The following SNX25 variants were observed in gnomAD, a reference collection of about 807,000 sequenced individuals.
SNX25 encodes the protein sorting nexin 25.
SNX25 carries 62 observed loss-of-function variants against 113.7 expected under a neutral mutation model. That is an observed-to-expected ratio of 0.55 (90% CI 0.44 to 0.67). The LOEUF is 0.67. Ranked by LOEUF, SNX25 falls within the 30% of genes least tolerant of loss-of-function variation. The pLI is 0.00. For missense variants in SNX25, 1,014 were observed against 1,161.0 expected, an observed-to-expected ratio of 0.87 and a Z score of 1.84; for synonymous variants, 421 against 436.2, an observed-to-expected ratio of 0.97 and a Z score of 0.43.
intron 7 of SNX25, among the ~76,000 whole-genome samples, chr4:185,316,387 C>T (rs565507151): frequency 6.6e-6 from 1 of 152,286 alleles, no homozygotes; most frequent in African/African-American, 2.4e-5. Context: ...ACTGGAAAGT[C>T]GCAGAGTCAG....
chr4:185,223,740 CGA>C (rs1560903644), intron 1 of SNX25, among the ~76,000 whole-genome samples: 2 of 79,130 alleles, frequency 2.5e-5, no homozygotes, highest in African/African-American at 8.6e-5. Flanking sequence ...GAGATCGTGC[CGA>C]AAAAAAAAAA....
chr4:185,320,487 A>AC (rs1561008968), intron 7 of SNX25, among the ~76,000 whole-genome samples: 26 of 152,260 alleles, frequency 1.7e-4, no homozygotes, highest in African/African-American at 5.3e-4. Flanking sequence ...GGGTGGGGGC[A>AC]AGGGGAGAGA....
chr4:185,375,769 TTAAAG>T, the SNX25 span: 1 of 1,357,918 alleles, frequency 7.4e-7, no homozygotes, highest in Non-Finnish European at 1.0e-6. Flanking sequence ...TATTATGATC[TTAAAG>T]TAATCCCAAA....
chr4:185,295,796 T>A (rs1752760863), intron 6 of SNX25: 1 of 152,132 alleles, frequency 6.6e-6, no homozygotes, highest in Admixed American at 6.6e-5. Context: ...AGAGATGATA[T>A]GCAATTGTGA....
intron 3 of SNX25, among the ~76,000 whole-genome samples, chr4:185,264,096 C>T (rs1747709544): frequency 6.6e-6 from 1 of 152,156 alleles, no homozygotes; most frequent in Non-Finnish European, 1.5e-5. Context: ...AAAAATGAAG[C>T]TGCAGGTCAT....
intron 11 of SNX25, 101 bp downstream of exon 11, chr4:185,339,611 C>G: frequency 7.0e-7 from 1 of 1,421,582 alleles, no homozygotes; most frequent in Non-Finnish European, 9.4e-7. Context: ...AAAACTTACA[C>G]TCATTCTTTT....
chr4:185,339,999 A>G (rs1170249873), intron 11 of SNX25, among the ~76,000 whole-genome samples: 1 of 152,142 alleles, frequency 6.6e-6, no homozygotes, highest in Non-Finnish European at 1.5e-5. Flanking sequence ...AATATACTGT[A>G]TCCCTTTTCA....
At chr4:185,214,394 C>CAA (rs60179052) in intron 1 of SNX25, among the ~76,000 whole-genome samples, 1,965 of 122,258 alleles carry the variant, frequency 0.016, 55 homozygotes, top group African/African-American at 0.058. Flanking sequence ...CCATCTCTAC[C>CAA]AAAAAAAAAA....
At chr4:185,309,501 A>C (rs537185394) in intron 6 of SNX25, among the ~76,000 whole-genome samples, 54 of 152,334 alleles carry the variant, frequency 3.5e-4, no homozygotes, top group Non-Finnish European at 5.9e-4. Context: ...CATCTTCCAC[A>C]AACCTGCTTT....
intron 7 of SNX25, among the ~76,000 whole-genome samples, chr4:185,318,301 G>T (rs1184410594): frequency 6.6e-6 from 1 of 152,034 alleles, no homozygotes; most frequent in Non-Finnish European, 1.5e-5. Flanking sequence ...AAGAATATAG[G>T]CCTTAAATTC....
At chr4:185,306,079 A>C (rs1408081157) in intron 6 of SNX25, among the ~76,000 whole-genome samples, 1 of 152,210 alleles carries the variant, frequency 6.6e-6, no homozygotes, top group African/African-American at 2.4e-5. Flanking sequence ...CTCTGGCATG[A>C]GCTGGGTCAC....
At chr4:185,366,814 A>G (rs1449201597), downstream of SNX25, 2 of 157,720 alleles carry the variant, frequency 1.3e-5, no homozygotes, top group Non-Finnish European at 2.8e-5. Context: ...GGTTTTAAAT[A>G]AGTTTGTTTC....
intron 7 of SNX25, among the ~76,000 whole-genome samples, chr4:185,317,674 C>T (rs1471876035): frequency 6.6e-6 from 1 of 152,022 alleles, no homozygotes; most frequent in Non-Finnish European, 1.5e-5. Flanking sequence ...CTTGCAGGGA[C>T]ATGGATGAAG....
intron 1 of SNX25, among the ~76,000 whole-genome samples, chr4:185,211,188 C>T (rs998083068): frequency 7.9e-5 from 12 of 152,168 alleles, no homozygotes; most frequent in African/African-American, 2.7e-4. Context: ...ATGACCTGCT[C>T]ACTCCTTTAT....
downstream of SNX25, among the ~76,000 whole-genome samples, chr4:185,373,449 G>A (rs1025585141): frequency 1.4e-4 from 22 of 152,194 alleles, no homozygotes; most frequent in African/African-American, 5.1e-4. Context: ...CTGATGCTAA[G>A]GGAGAGTTCG....
chr4:185,325,555 A>G (rs1420219674), intron 9 of SNX25, among the ~76,000 whole-genome samples: 3 of 148,576 alleles, frequency 2.0e-5, no homozygotes, highest in Non-Finnish European at 4.5e-5. Flanking sequence ...AAAAAAAGAC[A>G]AATCATGGTA....
At chr4:185,351,312 G>A (rs1316227879) in intron 13 of SNX25, 133 bp from the exon 14 acceptor site, 3 of 842,260 alleles carry the variant, frequency 3.6e-6, no homozygotes, top group Non-Finnish European at 5.7e-6. Context: ...AGGGGGAAAG[G>A]GAAGTGGTTT....
chr4:185,238,111 T>G (rs1321522705), intron 1 of SNX25, among the ~76,000 whole-genome samples: 2 of 151,396 alleles, frequency 1.3e-5, no homozygotes, highest in Admixed American at 6.6e-5. Context: ...AGCACAGTAG[T>G]TGCAATCCCC....
intron 12 of SNX25, among the ~76,000 whole-genome samples, chr4:185,344,400 C>T (rs543910304): frequency 1.8e-3 from 280 of 152,200 alleles, no homozygotes; most frequent in Non-Finnish European, 2.6e-3. Context: ...GCCACTGTGG[C>T]CAGAGGTGTC....
Sources: gnomAD v4.1 joint callset for allele counts (sites outside exome capture counted in the v4.1 genomes callset) on GRCh38, gnomAD v4.1.1 for gene constraint, MANE v1.5 for transcripts, NCBI Gene and HGNC (gene_info 2026-07-23, HGNC 2026-07-21) for gene names.